SATL1: variants seen among roughly 807,000 people sequenced by gnomAD.
The protein encoded by SATL1 is spermidine/spermine N(1)-acetyltransferase-like protein 1.
In SATL1, 47 loss-of-function variants were observed where a neutral mutation model predicts 51.8. The ratio of observed to expected loss-of-function variants is 0.91; its 90% CI spans 0.72 to 1.16. The LOEUF (loss-of-function observed/expected upper bound fraction) is 1.16. Among genes scored for constraint, SATL1 ranks in the 50% most tolerant of loss-of-function variants. SATL1 has a pLI of 0.00. For missense variants in SATL1, 520 were observed against 526.4 expected, an observed-to-expected ratio of 0.99 and a Z score of 0.12; for synonymous variants, 176 against 182.4, an observed-to-expected ratio of 0.97 and a Z score of 0.28.
chrX:85,120,916 G>A (rs1925490280), intron 2 of SATL1, among the ~76,000 whole-genome samples: 1 of 111,469 alleles, frequency 9.0e-6, no homozygotes, highest in South Asian at 3.7e-4. Flanking sequence ...CAGTTGGCTG[G>A]AGTATATAAA....
intron 2 of SATL1, among the ~76,000 whole-genome samples, chrX:85,221,969 G>A (rs1342874289): frequency 8.9e-6 from 1 of 111,829 alleles, no homozygotes; most frequent in African/African-American, 3.2e-5. Flanking sequence ...CTAAGAACAG[G>A]GTCTGGGTGG....
chrX:85,239,708 T>G (rs1411974367), intron 1 of SATL1, among the ~76,000 whole-genome samples: 1 of 111,726 alleles, frequency 9.0e-6, no homozygotes, highest in African/African-American at 3.2e-5. Context: ...GATATGCACC[T>G]ACATGAATAT....
chrX:85,094,822 G>A, intron 5 of SATL1, 94 bp downstream of exon 5: 2 of 570,851 alleles, frequency 3.5e-6, no homozygotes, highest in Non-Finnish European at 5.9e-6. Context: ...ATTCTCTTCT[G>A]CTTAATAGTA....
At chrX:85,139,593 G>A (rs1926057878) in intron 2 of SATL1, among the ~76,000 whole-genome samples, 1 of 111,169 alleles carries the variant, frequency 9.0e-6, no homozygotes, top group Admixed American at 9.6e-5. Flanking sequence ...ATAATGTCAA[G>A]GTTCACTGAG....
chrX:85,150,310 G>A (rs931515574), intron 2 of SATL1, among the ~76,000 whole-genome samples: 1 of 111,337 alleles, frequency 9.0e-6, no homozygotes, highest in Non-Finnish European at 1.9e-5. Flanking sequence ...CTCTGAAATT[G>A]TGGCAATAAT....
intron 3 of SATL1, among the ~76,000 whole-genome samples, chrX:85,104,767 A>T (rs1056436611): frequency 1.8e-5 from 2 of 111,904 alleles, no homozygotes; most frequent in Middle Eastern, 8.4e-3. Flanking sequence ...TCTCTGGATT[A>T]CTTACAATAT....
intron 2 of SATL1, among the ~76,000 whole-genome samples, chrX:85,163,659 T>G (rs1175584146): frequency 8.9e-6 from 1 of 111,787 alleles, no homozygotes; most frequent in Non-Finnish European, 1.9e-5. Flanking sequence ...TTAAATTTAT[T>G]GAGACTTGTT....
At chrX:85,135,354 A>G (rs763056947) in intron 2 of SATL1, among the ~76,000 whole-genome samples, 2 of 111,154 alleles carry the variant, frequency 1.8e-5, no homozygotes, top group South Asian at 7.8e-4. Flanking sequence ...AAAACTTCAA[A>G]TATTTTCTAA....
At chrX:85,233,100 G>A (rs1928416481) in intron 1 of SATL1, among the ~76,000 whole-genome samples, 2 of 112,096 alleles carry the variant, frequency 1.8e-5, no homozygotes, top group South Asian at 3.7e-4. Flanking sequence ...AGCACAGAGA[G>A]ACAGATTCCA....
intron 2 of SATL1, among the ~76,000 whole-genome samples, chrX:85,120,674 T>G (rs1925484015): frequency 9.0e-6 from 1 of 111,645 alleles, no homozygotes; most frequent in African/African-American, 3.2e-5. Flanking sequence ...ATCAAAAAGG[T>G]TTTTACAAGA....
At chrX:85,164,832 C>G (rs1655419322) in intron 2 of SATL1, among the ~76,000 whole-genome samples, 1 of 108,465 alleles carries the variant, frequency 9.2e-6, no homozygotes. Flanking sequence ...TCAAGCGATT[C>G]TCCTGCCTCA....
In SATL1 at chrX:85,141,647, G is replaced by A. The variant is rs146670019; in HGVS notation, c.-312-32367C>T. On this transcript the variant is annotated intron_variant, in intron 2 of 7. Coordinates refer to ENST00000644105, the MANE Select transcript of SATL1 (RefSeq NM_001367857.2). ...AGAGCTGGTTGTTTCCAGAAGGTTT[G>A]AAACACATATCACCAAAATGTTTAA... Among the ~76,000 whole-genome samples the A allele has an allele frequency of 2.2e-3, 244 of 111,152 alleles. 2 individuals are homozygous for A. In the East Asian group the frequency reaches 0.05, roughly 23 times the overall value.
At chrX:85,161,635 T>G (rs1926721696) in intron 2 of SATL1, among the ~76,000 whole-genome samples, 1 of 111,340 alleles carries the variant, frequency 9.0e-6, no homozygotes, top group Admixed American at 9.6e-5. Context: ...TAAATATATA[T>G]GCAGCCAATA....
chrX:85,176,046 T>C (rs1490655224), intron 2 of SATL1, among the ~76,000 whole-genome samples: 1 of 111,664 alleles, frequency 9.0e-6, no homozygotes, highest in East Asian at 2.8e-4. Flanking sequence ...TTTTCCTTAA[T>C]ATATAAAGAT....
At chrX:85,195,725 T>C (rs898466744) in intron 2 of SATL1, among the ~76,000 whole-genome samples, 17 of 109,500 alleles carry the variant, frequency 1.6e-4, no homozygotes, top group Non-Finnish European at 3.2e-4. Context: ...GGCAGGAGAA[T>C]TGCTTGAACC....
At chrX:85,176,944 C>A (rs1419588531) in intron 2 of SATL1, among the ~76,000 whole-genome samples, 2 of 111,242 alleles carry the variant, frequency 1.8e-5, no homozygotes, top group Non-Finnish European at 3.8e-5. Context: ...TCATGTAATC[C>A]CTAATAAGAT....
At chrX:85,110,010 CA>C (rs1424392398) in intron 2 of SATL1, among the ~76,000 whole-genome samples, 1 of 111,560 alleles carries the variant, frequency 9.0e-6, no homozygotes, top group Non-Finnish European at 1.9e-5. Flanking sequence ...AACTCCGTCT[CA>C]AAAATAATAG....
intron 2 of SATL1, among the ~76,000 whole-genome samples, chrX:85,205,235 A>G (rs1428569207): frequency 2.7e-5 from 3 of 112,199 alleles, no homozygotes; most frequent in Non-Finnish European, 5.6e-5. Flanking sequence ...ATCACTGTTC[A>G]GTAGATATCA....
At chrX:85,145,571 T>C (rs1323813417) in intron 2 of SATL1, among the ~76,000 whole-genome samples, 1 of 111,340 alleles carries the variant, frequency 9.0e-6, no homozygotes, top group East Asian at 2.8e-4. Flanking sequence ...TACTTTGGCC[T>C]CCAATAAATG....
Sources: gnomAD v4.1 joint callset for allele counts (sites outside exome capture counted in the v4.1 genomes callset) on GRCh38, gnomAD v4.1.1 for gene constraint, MANE v1.5 for transcripts, NCBI Gene and HGNC (gene_info 2026-07-23, HGNC 2026-07-21) for gene names.